The following FGD4 variants were observed in gnomAD, a reference collection of about 807,000 sequenced individuals.
The protein encoded by FGD4 is FYVE, RhoGEF and PH domain-containing protein 4.
A neutral mutation model predicts 102.0 loss-of-function variants in FGD4; 42 were observed. The ratio of observed to expected loss-of-function variants is 0.41; its 90% CI spans 0.32 to 0.53. FGD4 has a LOEUF of 0.53. Among genes scored for constraint, FGD4 ranks in the 20% least tolerant of loss-of-function variants. The pLI is 0.21. For synonymous variants in FGD4, 380 were observed against 375.7 expected (o/e 1.01, Z -0.13); for missense variants, 902 against 1,078.2 (o/e 0.84, Z 2.29).
At chr12:32,575,614 T>C (rs1357842790) in intron 2 of FGD4, among the ~76,000 whole-genome samples, 1 of 152,148 alleles carries the variant, frequency 6.6e-6, no homozygotes, top group Non-Finnish European at 1.5e-5. Context: ...TAGCACCAAC[T>C]CTGTTACCCC....
chr12:32,408,357 G>A (rs1002920627), intron 1 of FGD4, among the ~76,000 whole-genome samples: 10 of 151,998 alleles, frequency 6.6e-5, no homozygotes, highest in Admixed American at 6.6e-4. Flanking sequence ...TAGTAGAGAC[G>A]GGGTTTCCCC....
At chr12:32,481,912 T>G (rs1007136077) in intron 1 of FGD4, among the ~76,000 whole-genome samples, 5 of 152,174 alleles carry the variant, frequency 3.3e-5, no homozygotes, top group African/African-American at 1.2e-4. Flanking sequence ...GTGGCCACCT[T>G]ATTATATAGC....
chr12:32,463,431 C>G (rs75100782), intron 1 of FGD4, among the ~76,000 whole-genome samples: 5,779 of 152,224 alleles, frequency 0.038, 168 homozygotes, highest in South Asian at 0.12. Flanking sequence ...GATTAGGTTA[C>G]AGTATAATGC....
intron 1 of FGD4, among the ~76,000 whole-genome samples, chr12:32,413,191 A>T (rs796511341): frequency 6.6e-6 from 1 of 152,060 alleles, no homozygotes; most frequent in Admixed American, 6.6e-5. Flanking sequence ...TGATGGTTTG[A>T]TAAGTGCAGC....
chr12:32,619,590 CT>C, intron 10 of FGD4, 107 bp from the exon 11 acceptor site: 1 of 1,257,354 alleles, frequency 8.0e-7, no homozygotes, highest in Non-Finnish European at 1.1e-6. Context: ...CAAGGTCACA[CT>C]ATTACACTCC....
rs190338722 is a variant in FGD4 at position 32,400,217 on chromosome 12, G to A, written c.166+258G>A. ...CTTCTCAGAAAATTCAGAAAGTACA[G>A]GTAGAATTCTCTTTTTCTCTCTAAC... On this transcript the variant is annotated intron_variant, in intron 1 of 16. Transcript: ENST00000534526. 2.0e-5 allele frequency among the ~76,000 whole-genome samples: 3 copies of A among 152,336 alleles called. No individual in the cohort carries two copies. The East Asian group carries it at 5.8e-4, about 29-fold the overall frequency.
chr12:32,577,922 T>G (rs571189953), intron 3 of FGD4, among the ~76,000 whole-genome samples: 2 of 152,314 alleles, frequency 1.3e-5, no homozygotes, highest in South Asian at 4.1e-4. Context: ...GATAACTCTC[T>G]GAAGCCTGGA....
intron 1 of FGD4, among the ~76,000 whole-genome samples, chr12:32,472,595 T>C (rs10844211): frequency 0.97 from 147,844 of 152,314 alleles, 71,935 homozygotes; most frequent in South Asian, 1. Flanking sequence ...GGCTCCTGTG[T>C]GGCCCAAGCC....
chr12:32,437,923 T>C (rs1339513736), intron 1 of FGD4, among the ~76,000 whole-genome samples: 1 of 152,156 alleles, frequency 6.6e-6, no homozygotes, highest in Non-Finnish European at 1.5e-5. Flanking sequence ...GACAGAGTCT[T>C]GCTCTGTCAC....
At chr12:32,510,539 G>C (rs1939251651) in intron 1 of FGD4, among the ~76,000 whole-genome samples, 1 of 152,014 alleles carries the variant, frequency 6.6e-6, no homozygotes, top group Non-Finnish European at 1.5e-5. Context: ...TAATAAAAAA[G>C]TGAACTAATA....
At chr12:32,488,896 A>G (rs1453507519) in intron 1 of FGD4, among the ~76,000 whole-genome samples, 2 of 151,016 alleles carry the variant, frequency 1.3e-5, no homozygotes, top group Non-Finnish European at 3.0e-5. Context: ...CCGAGATCGC[A>G]CCATTGCACT....
chr12:32,560,839 C>T (rs189177274), intron 1 of FGD4, among the ~76,000 whole-genome samples: 2 of 151,924 alleles, frequency 1.3e-5, no homozygotes, highest in East Asian at 1.9e-4. Context: ...ACCACAAGCG[C>T]GCACCACCAT....
chr12:32,436,060 A>G (rs1490933788), intron 1 of FGD4, among the ~76,000 whole-genome samples: 1 of 152,168 alleles, frequency 6.6e-6, no homozygotes. Flanking sequence ...CAGAATGACG[A>G]TTTCATTTAC....
Position 32,559,540 on chromosome 12 carries a change from A to G in FGD4, c.167-4597A>G, listed in dbSNP as rs565975229. On this transcript the variant is annotated intron_variant, in intron 1 of 16. Transcript: ENST00000534526. ...AATTTAGAGACTTGTTTTAATAAAC[A>G]ATGTTCTGAAATGTTGATCTAATTG... is the stretch of plus-strand genomic sequence containing the variant. Among the ~76,000 whole-genome samples, 4 of 152,348 alleles carry G rather than the reference A, an allele frequency of 2.6e-5. No individual in the cohort carries two copies. In the South Asian group the frequency reaches 8.3e-4, roughly 32 times the overall value.
chr12:32,607,823 CATTTCATGCAGGTG>C (rs1312486440), intron 7 of FGD4, 120 bp from the exon 8 acceptor site: 1 of 922,246 alleles, frequency 1.1e-6, no homozygotes, highest in African/African-American at 1.6e-5. Flanking sequence ...CAGAAATCTG[CATTTCATGCAGGTG>C]ATGGACAGTC....
intron 1 of FGD4, among the ~76,000 whole-genome samples, chr12:32,491,776 C>G (rs1478678886): frequency 6.6e-6 from 1 of 152,134 alleles, no homozygotes; most frequent in Non-Finnish European, 1.5e-5. Flanking sequence ...ATAAGTTAAA[C>G]CAAAAATAAC....
rs192650516 is a variant in FGD4, at chr12:32,438,696, C to T, written c.166+38737C>T. 4.2e-3 allele frequency among the ~76,000 whole-genome samples: 644 copies of T among 151,904 alleles called. 3 individuals are homozygous for T. The highest frequency in any genetic ancestry group is 7.3e-3 in the Non-Finnish European group (499 of 67,970). ...GCGATCTCAACTGCAACCTCCACCT[C>T]CCGGGTTCACGCCAATATCCTGCCT... On this transcript the variant is annotated intron_variant, in intron 1 of 16. Coordinates refer to ENST00000534526, the MANE Select transcript of FGD4 (RefSeq NM_001370298.3).
chr12:32,560,835 A>G (rs1944485009), intron 1 of FGD4, among the ~76,000 whole-genome samples: 1 of 151,630 alleles, frequency 6.6e-6, no homozygotes, highest in Non-Finnish European at 1.5e-5. Flanking sequence ...TGGGACCACA[A>G]GCGCGCACCA....
intron 1 of FGD4, among the ~76,000 whole-genome samples, chr12:32,527,199 A>G (rs1158118929): frequency 6.6e-6 from 1 of 152,176 alleles, no homozygotes; most frequent in Non-Finnish European, 1.5e-5. Context: ...AAATAATAAA[A>G]TTATGTTTGT....
Sources: allele counts gnomAD v4.1 joint callset (sites outside exome capture counted in the v4.1 genomes callset), GRCh38; gene constraint gnomAD v4.1.1; transcripts MANE v1.5; gene names NCBI Gene and HGNC (gene_info 2026-07-23, HGNC 2026-07-21).